Variants in GPAM observed in about 807,000 individuals in gnomAD.
GPAM encodes glycerol-3-phosphate acyltransferase 1, mitochondrial.
A neutral mutation model predicts 105.0 loss-of-function variants in GPAM; 56 were observed. The ratio of observed to expected loss-of-function variants is 0.53; its 90% CI spans 0.43 to 0.67. GPAM has a LOEUF of 0.67. Among genes scored for constraint, GPAM ranks in the 30% least tolerant of loss-of-function variants. GPAM has a pLI of 0.00. For synonymous variants in GPAM, 368 were observed against 354.4 expected, an observed-to-expected ratio of 1.04 and a Z score of -0.43; for missense variants, 855 against 989.8, an observed-to-expected ratio of 0.86 and a Z score of 1.83.
In GPAM at chr10:112,152,183, A is replaced by G; in HGVS notation, c.*1367T>C. ...GAATCTATGTAACACTCATCTGGAA[A>G]AATTCTTAATTCCATAATATCTTGG... On this transcript the variant is annotated 3_prime_UTR_variant, in exon 22 of 22. Transcript: ENST00000348367. 1 of 976,996 alleles carries G rather than the reference A, an allele frequency of 1.0e-6. No individual in the cohort carries two copies. The highest frequency in any genetic ancestry group is 1.2e-6 in the Non-Finnish European group (1 of 822,264). The allele number at this position is 976,996 out of a possible 1,614,324, so 60.5% of individuals were successfully genotyped here.
chr10:112,203,445 C>A (rs1187769212), intron 1 of GPAM, among the ~76,000 whole-genome samples: 2 of 152,192 alleles, frequency 1.3e-5, no homozygotes, highest in Non-Finnish European at 2.9e-5. Context: ...TGGAGAGGGG[C>A]AATCTGCCCC....
At chr10:112,222,924 G>A in the GPAM span, among the ~76,000 whole-genome samples, 1 of 151,954 alleles carries the variant, frequency 6.6e-6, no homozygotes, top group Non-Finnish European at 1.5e-5. Context: ...CCTTCTGCAG[G>A]TGCCTGGTTG....
intron 1 of GPAM, among the ~76,000 whole-genome samples, chr10:112,202,301 A>T (rs999767348): frequency 6.6e-6 from 1 of 152,194 alleles, no homozygotes; most frequent in Non-Finnish European, 1.5e-5. Flanking sequence ...AGTGAGCAGT[A>T]TTTGGCCCAG....
chr10:112,154,828 CACTGGCA>C, intron 20 of GPAM, 141 bp from the exon 21 acceptor site: 1 of 707,194 alleles, frequency 1.4e-6, no homozygotes, highest in Non-Finnish European at 2.6e-6. Context: ...CCACTTCCAC[CACTGGCA>C]ACCTGTGAGT....
chr10:112,180,732 T>C (rs1281507685), intron 3 of GPAM, 137 bp from the exon 4 acceptor site: 1 of 755,108 alleles, frequency 1.3e-6, no homozygotes. Context: ...AAGTACTCCC[T>C]CCATGATCAA....
At chr10:112,168,265 C>G (rs755361755) in intron 11 of GPAM, 47 bp downstream of exon 11, 9 of 1,093,446 alleles carry the variant, frequency 8.2e-6, no homozygotes, top group Admixed American at 6.8e-5. Flanking sequence ...AAAGTTAAAT[C>G]TAAAAGACTT....
chr10:112,149,972 A>G lies in GPAM; in HGVS notation c.*3578T>C. The stretch of plus-strand genomic sequence containing the variant: ...GCATTTCCAAGTATGTTTTGCTCAC[A>G]AAATCGCAGTTATTTCACAGTACCT... On this transcript the variant is annotated 3_prime_UTR_variant, in exon 22 of 22. Transcript: ENST00000348367. The G allele has an allele frequency of 1.0e-6, 1 of 985,506 alleles. No individual in the cohort carries two copies. The highest frequency in any genetic ancestry group is 5.2e-4 in the Middle Eastern group (1 of 1,914). 61.0% of individuals were successfully genotyped at this position (985,506 alleles called of 1,614,324 possible). A position where few individuals can be genotyped will look rare whatever the true frequency, so the allele number is the denominator to read the frequency against.
chr10:112,161,603 T>C, intron 15 of GPAM, 64 bp downstream of exon 15: 1 of 1,338,356 alleles, frequency 7.5e-7, no homozygotes, highest in Non-Finnish European at 1.1e-6. Flanking sequence ...TGAGTATGTA[T>C]CTGAGCAGCT....
chr10:112,221,298 C>T, the GPAM span, among the ~76,000 whole-genome samples: 24 of 152,284 alleles, frequency 1.6e-4, no homozygotes, highest in African/African-American at 3.4e-4. Context: ...TACTCTTGCA[C>T]GGTGACCAAA....
In GPAM at chr10:112,168,338, C is replaced by T. The variant is rs1847253995; in HGVS notation, c.1081G>A (p.Glu361Lys). The change falls in exon 11 of 22, where the codon GAA (glutamate) becomes AAA (lysine). Residue 361 changes from glutamate (E) to lysine (K), a missense_variant. By Grantham distance (56) the Glu-to-Lys change is moderately conservative (BLOSUM62 1). Coordinates refer to ENST00000348367, the MANE Select transcript of GPAM (RefSeq NM_001244949.2). ...PVGISYDRII[E>K]GHYNGEQLGK... ...AGTTGTTCACCATTGTAGTGACCTT[C>T]GATAATGCGATCATAGGAGATTCCA... is the stretch of plus-strand genomic sequence containing the variant. 5.6e-6 allele frequency: 9 copies of T among 1,604,356 alleles called. No homozygotes were observed. Among genetic ancestry groups the T allele is most frequent in the Non-Finnish European group, 7.7e-6 (9 of 1,171,100 alleles).
At chr10:112,195,140 C>G (rs1044464793) in intron 1 of GPAM, among the ~76,000 whole-genome samples, 9 of 152,044 alleles carry the variant, frequency 5.9e-5, no homozygotes, top group African/African-American at 2.2e-4. Context: ...CCAAATGCAC[C>G]ATGCCAAATA....
intron 5 of GPAM, among the ~76,000 whole-genome samples, chr10:112,177,272 T>C (rs575513386): frequency 1.2e-4 from 18 of 152,344 alleles, no homozygotes; most frequent in Admixed American, 2.0e-4. Flanking sequence ...GTAGTTGATT[T>C]CTTGCACTAA....
At chr10:112,174,484 T>C (rs1589592886) in intron 6 of GPAM, among the ~76,000 whole-genome samples, 1 of 152,244 alleles carries the variant, frequency 6.6e-6, no homozygotes, top group South Asian at 2.1e-4. Flanking sequence ...GGAGAAAGCA[T>C]GAGGTTCAAC....
Position 112,160,772 on chromosome 10 carries a change from C to T in GPAM, c.1591G>A (p.Asp531Asn). The change falls in exon 16 of 22, where the codon GAT becomes AAT. Residue 531 changes from aspartate (D) to asparagine (N), a missense_variant. Asp to Asn is a conservative substitution (Grantham distance 23, BLOSUM62 1). Transcript: ENST00000348367. ...FDLGFSGNSE[D>N]VVMHAIQLLG... Reference sequence around the variant, plus strand: ...AGCTGTATGGCATGCATTACTACATCTTCTGAATTTCCTGAGAACCCCAGG... The same window carrying T: ...AGCTGTATGGCATGCATTACTACATTTTCTGAATTTCCTGAGAACCCCAGG... 1 of 1,614,076 alleles carries T rather than the reference C, an allele frequency of 6.2e-7. No individual in the cohort carries two copies. The highest frequency in any genetic ancestry group is 8.5e-7 in the Non-Finnish European group (1 of 1,179,946).
intron 9 of GPAM, 145 bp from the exon 10 acceptor site, chr10:112,169,097 T>G (rs1847269772): frequency 3.1e-6 from 2 of 643,120 alleles, no homozygotes; most frequent in African/African-American, 1.8e-5. Flanking sequence ...AGGCATTTTT[T>G]TCATTTTCCA....
At chr10:112,177,689 A>C (rs1302481208) in intron 5 of GPAM, among the ~76,000 whole-genome samples, 2 of 152,236 alleles carry the variant, frequency 1.3e-5, no homozygotes, top group Non-Finnish European at 2.9e-5. Context: ...CGGTCTTCTC[A>C]GACAAATATT....
the GPAM span, among the ~76,000 whole-genome samples, chr10:112,224,591 C>T: frequency 7.2e-5 from 11 of 152,016 alleles, no homozygotes; most frequent in South Asian, 2.1e-4. Flanking sequence ...ACCGTGTTCC[C>T]CTGGCCTCTC....
chr10:112,220,318 C>T (rs561794790), upstream of GPAM, among the ~76,000 whole-genome samples: 42 of 141,728 alleles, frequency 3.0e-4, no homozygotes, highest in African/African-American at 8.9e-4. Context: ...ATTCTGCAGG[C>T]TCTGCATGAA....
At chr10:112,190,123 A>G (rs1052284183) in intron 1 of GPAM, among the ~76,000 whole-genome samples, 4 of 152,212 alleles carry the variant, frequency 2.6e-5, no homozygotes, top group African/African-American at 9.7e-5. Context: ...ATATATTTCT[A>G]ATCATATTTG....
Sources: gnomAD v4.1 joint callset for allele counts (sites outside exome capture counted in the v4.1 genomes callset) on GRCh38, gnomAD v4.1.1 for gene constraint, MANE v1.5 for transcripts, NCBI Gene and HGNC (gene_info 2026-07-23, HGNC 2026-07-21) for gene names.